PLP1: variants seen among roughly 807,000 people sequenced by gnomAD.
PLP1 encodes myelin proteolipid protein.
Under a neutral mutation model 18.5 loss-of-function variants are expected in PLP1, and 2 were observed. The observed-to-expected ratio is 0.11, with a 90% CI of 0.04 to 0.34. PLP1 has a LOEUF of 0.34. PLP1 is among the 10% of genes least tolerant of loss of function. The pLI, the probability that PLP1 is intolerant of heterozygous loss-of-function variation, is 1.00. For synonymous variants in PLP1, 86 were observed against 83.2 expected (o/e 1.03, Z -0.19); for missense variants, 105 against 207.3 (o/e 0.51, Z 3.03).
chrX:103,790,785 C>T lies in PLP1; in HGVS notation c.*187C>T, dbSNP rs1481244699. ...CTTTGGACTCTCCCCTCTTATGTAC[C>T]TCTTTTAGTCATTTTGCTTCATAGC... On this transcript the variant is annotated 3_prime_UTR_variant, in exon 7 of 7. Coordinates refer to ENST00000621218, the MANE Select transcript of PLP1 (RefSeq NM_000533.5). 4.4e-6 allele frequency: 2 copies of T among 458,310 alleles called. No individual in the cohort carries two copies. Among genetic ancestry groups the T allele is most frequent in the East Asian group, 3.7e-5 (1 of 26,793 alleles). 37.8% of individuals were successfully genotyped at this position (458,310 alleles called of 1,213,427 possible).
intron 1 of PLP1, among the ~76,000 whole-genome samples, chrX:103,782,222 C>T (rs1351520493): frequency 8.9e-6 from 1 of 112,073 alleles, no homozygotes; most frequent in Middle Eastern, 4.2e-3. Context: ...ACATCTGATG[C>T]TTATGCTGAT....
intron 3 of PLP1, chrX:103,787,502 T>C: frequency 2.5e-6 from 1 of 392,332 alleles, no homozygotes; most frequent in Admixed American, 4.3e-5. Flanking sequence ...AGATCTGTTT[T>C]GATTTCTTTA....
In PLP1 at chrX:103,786,681, G is replaced by A. The variant is rs748595198; in HGVS notation, c.408G>A (p.Glu136=). Residue 136 remains glutamate (E), a synonymous_variant, in exon 3 of 7, where the codon GAG becomes GAA. Transcript: ENST00000621218. ...SRGQHQAHSL[E]RVCHCLGKWL... is the part of the protein sequence containing the mutation. Reference sequence around the variant, plus strand: ...GCCAACATCAAGCTCATTCTTTGGAGCGGGTGTGTCATTGTTTGGGAAAAT... The same window carrying A: ...GCCAACATCAAGCTCATTCTTTGGAACGGGTGTGTCATTGTTTGGGAAAAT... 6 of 1,211,349 alleles carry A rather than the reference G, an allele frequency of 5.0e-6. No homozygotes were observed. Among genetic ancestry groups the A allele is most frequent in the South Asian group, 1.8e-5 (1 of 56,956 alleles).
chrX:103,787,620 C>G (rs2074508222), intron 3 of PLP1, 178 bp from the exon 4 acceptor site: 2 of 484,955 alleles, frequency 4.1e-6, no homozygotes, highest in Non-Finnish European at 7.4e-6. Flanking sequence ...GGCCAGTTAT[C>G]TAGTAGATAC....
intron 1 of PLP1, among the ~76,000 whole-genome samples, chrX:103,782,790 C>T (rs2074463921): frequency 2.0e-4 from 1 of 5,036 alleles, no homozygotes; most frequent in Non-Finnish European, 3.2e-4. Context: ...TGAGTCTGAC[C>T]CCCTCCCCAC....
intron 3 of PLP1, 48 bp from the exon 4 acceptor site, chrX:103,787,750 T>G: frequency 9.2e-7 from 1 of 1,091,218 alleles, no homozygotes; most frequent in Non-Finnish European, 1.3e-6. Flanking sequence ...TGTTTCTACA[T>G]CTGCAGGCTG....
chrX:103,783,481 C>T (rs2074470450), intron 1 of PLP1, among the ~76,000 whole-genome samples: 1 of 111,191 alleles, frequency 9.0e-6, no homozygotes, highest in Admixed American at 9.4e-5. Flanking sequence ...TGGTGTGACA[C>T]TCTTTGAAGG....
At chrX:103,783,431 C>T (rs1275431372) in intron 1 of PLP1, among the ~76,000 whole-genome samples, 2 of 112,496 alleles carry the variant, frequency 1.8e-5, no homozygotes, top group Non-Finnish European at 3.8e-5. Flanking sequence ...CAAATGTTAG[C>T]TGCTTACTTT....
chrX:103,785,097 C>T (rs942651338), intron 1 of PLP1, among the ~76,000 whole-genome samples: 23 of 108,714 alleles, frequency 2.1e-4, no homozygotes, highest in Admixed American at 1.9e-3. Context: ...TTTCTTGAGA[C>T]AGAGTCTCGC....
rs184673699 is a variant in PLP1 at position 103,788,981 on chromosome X, A to G, written c.697-352A>G. 74 of 325,925 alleles carry G rather than the reference A, an allele frequency of 2.3e-4. 1 individual carries two copies. Among genetic ancestry groups the G allele is most frequent in the Non-Finnish European group, 3.8e-4 (69 of 183,786 alleles). The allele number at this position is 325,925 out of a possible 1,213,427, so 26.9% of individuals were successfully genotyped here. A position where few individuals can be genotyped will look rare whatever the true frequency, so the allele number is the denominator to read the frequency against. Reference sequence around the variant, plus strand: ...AACAGATATTATATACAAATGAGGCAGGGGAATAAAAGTAAATCCGGGGGA... The same window carrying G: ...AACAGATATTATATACAAATGAGGCGGGGGAATAAAAGTAAATCCGGGGGA... On this transcript the variant is annotated intron_variant, in intron 5 of 6. Transcript: ENST00000621218.
rs763376651 is a variant in PLP1, at chrX:103,785,593, T to G, written c.16T>G (p.Cys6Gly). Residue 6 changes from cysteine (C) to glycine (G), a missense_variant, in exon 2 of 7, where the codon TGC becomes GGC. Transcript: ENST00000621218. Reference sequence around the variant, plus strand: ...TTCTTCTTCCCCAGGCTTGTTAGAGTGCTGTGCAAGATGTCTGGTAGGGGC... The same window carrying G: ...TTCTTCTTCCCCAGGCTTGTTAGAGGGCTGTGCAAGATGTCTGGTAGGGGC... MGLLECCARCLVGAPF... is the reference protein window; with the variant it reads MGLLEGCARCLVGAPF... The G allele has an allele frequency of 2.5e-6, 3 of 1,209,203 alleles. No individual in the cohort carries two copies. Among genetic ancestry groups the G allele is most frequent in the Middle Eastern group, 2.3e-4 (1 of 4,259 alleles).
chrX:103,779,066 T>C (rs937197476), intron 1 of PLP1, among the ~76,000 whole-genome samples: 5 of 112,369 alleles, frequency 4.4e-5, no homozygotes, highest in African/African-American at 6.5e-5. Context: ...TTCAGTAGTG[T>C]CTGCACAAAA....
At chrX:103,786,400 G>A (rs2074497241) in intron 2 of PLP1, 65 bp from the exon 3 acceptor site, 13 of 1,143,748 alleles carry the variant, frequency 1.1e-5, no homozygotes, top group Admixed American at 2.2e-5. Context: ...CACTTATGTC[G>A]GGAAAGAAGC....
Position 103,788,077 on chromosome X carries a change from A to G in PLP1, c.622+111A>G. 3 of 615,042 alleles carry G rather than the reference A, an allele frequency of 4.9e-6. No homozygotes were observed. In the South Asian group the frequency reaches 7.0e-5, roughly 14 times the overall value. The allele number at this position is 615,042 out of a possible 1,213,427, so 50.7% of individuals were successfully genotyped here. A position where few individuals can be genotyped will look rare whatever the true frequency, so the allele number is the denominator to read the frequency against. Reference sequence around the variant, plus strand: ...GTGATTATGAGAAAAATATAAGATGATGAATGATTGGGTCTTAGTTTATTA... The same window carrying G: ...GTGATTATGAGAAAAATATAAGATGGTGAATGATTGGGTCTTAGTTTATTA... On this transcript the variant is annotated intron_variant, in intron 4 of 6. Transcript: ENST00000621218.
At chrX:103,778,764 G>A (rs1461595933) in intron 1 of PLP1, among the ~76,000 whole-genome samples, 2 of 111,739 alleles carry the variant, frequency 1.8e-5, no homozygotes, top group Admixed American at 9.5e-5. Flanking sequence ...CAATAACAGA[G>A]TATCTAAAGT....
intron 1 of PLP1, among the ~76,000 whole-genome samples, chrX:103,780,435 C>CTGTGTGTGTGTG (rs759765185): frequency 0.015 from 993 of 68,318 alleles, 19 homozygotes; most frequent in Admixed American, 0.063. Flanking sequence ...CATTCTGTCT[C>CTGTGTGTGTGTG]TCTCTGTGTG....
intron 6 of PLP1, among the ~76,000 whole-genome samples, chrX:103,790,183 A>C (rs911707301): frequency 1.8e-5 from 2 of 112,259 alleles, no homozygotes; most frequent in Non-Finnish European, 3.8e-5. Flanking sequence ...CAAGCACCCT[A>C]TGACTCTAAG....
At chrX:103,776,725 C>T, upstream of PLP1, 1 of 341,411 alleles carries the variant, frequency 2.9e-6, no homozygotes. Context: ...AGATGGAGCC[C>T]TTAGAGAAGG....
At chrX:103,778,206 C>A (rs1247019512) in intron 1 of PLP1, among the ~76,000 whole-genome samples, 1 of 112,445 alleles carries the variant, frequency 8.9e-6, no homozygotes. Context: ...ACTTTGTCTA[C>A]TTTCAGGGTT....
Sources: allele counts gnomAD v4.1 joint callset (sites outside exome capture counted in the v4.1 genomes callset), GRCh38; gene constraint gnomAD v4.1.1; transcripts MANE v1.5; gene names NCBI Gene and HGNC (gene_info 2026-07-23, HGNC 2026-07-21).